The following KPNA7 variants were observed in gnomAD, a reference collection of about 807,000 sequenced individuals.
KPNA7 encodes karyopherin subunit alpha 7.
Under a neutral mutation model 53.7 loss-of-function variants are expected in KPNA7, and 54 were observed. That is an observed-to-expected ratio of 1.01 (90% CI 0.81 to 1.26). KPNA7 has a LOEUF of 1.26. KPNA7 is among the 50% of genes most tolerant of loss of function. The pLI, the probability that KPNA7 is intolerant of heterozygous loss-of-function variation, is 0.00. For missense variants in KPNA7, 640 were observed against 644.5 expected (o/e 0.99, Z 0.07); for synonymous variants, 276 against 259.3 (o/e 1.06, Z -0.62).
rs551304685 is a variant in KPNA7 at position 99,187,995 on chromosome 7, G to A, written c.900+305C>T. On this transcript the variant is annotated intron_variant, in intron 7 of 10. Coordinates refer to ENST00000327442, the MANE Select transcript of KPNA7 (RefSeq NM_001145715.3). ...GTTCGAGACTAGCCTGGCCAACATG[G>A]TAAAACCCTGTCCCTACTAAAAATA... Among the ~76,000 whole-genome samples the A allele has an allele frequency of 2.7e-5, 4 of 150,906 alleles. No individual in the cohort carries two copies. The South Asian group carries it at 8.4e-4, about 32-fold the overall frequency.
At chr7:99,154,747 G>A in the KPNA7 span, among the ~76,000 whole-genome samples, 16 of 151,586 alleles carry the variant, frequency 1.1e-4, no homozygotes, top group Admixed American at 6.6e-5. Flanking sequence ...AGCTGGTCTC[G>A]ATCTCCTGAC....
chr7:99,218,528 C>A (rs1179149931), intron 1 of KPNA7, among the ~76,000 whole-genome samples: 1 of 152,132 alleles, frequency 6.6e-6, no homozygotes, highest in Non-Finnish European at 1.5e-5. Flanking sequence ...GAGTCACAGC[C>A]CACTATGTGG....
intron 3 of KPNA7, among the ~76,000 whole-genome samples, chr7:99,198,667 G>A (rs1255995005): frequency 6.6e-6 from 1 of 152,070 alleles, no homozygotes; most frequent in African/African-American, 2.4e-5. Flanking sequence ...CTCAGAGGTA[G>A]CCTCATACTT....
intron 9 of KPNA7, among the ~76,000 whole-genome samples, chr7:99,179,093 A>G (rs933415140): frequency 6.6e-6 from 1 of 151,808 alleles, no homozygotes; most frequent in Non-Finnish European, 1.5e-5. Context: ...TCTATTCTTT[A>G]TCTGTGTCTT....
rs370084549 is a variant in KPNA7 at position 99,203,244 on chromosome 7, G to T, written c.67-4C>A. 6.5e-7 allele frequency: 1 copy of T among 1,549,366 alleles called. No homozygotes were observed. The highest frequency in any genetic ancestry group is 1.4e-5 in the African/African-American group (1 of 73,020). ...CCATCCTCTGCTGTCGCCTCAGCTA[G>T]TGAGGAAAAGAAATTGGAGCATTTA... is the stretch of plus-strand genomic sequence containing the variant. On this transcript the variant is annotated splice_region_variant and splice_polypyrimidine_tract_variant and intron_variant, in intron 2 of 10. Coordinates refer to ENST00000327442, the MANE Select transcript of KPNA7 (RefSeq NM_001145715.3).
chr7:99,184,336 T>C (rs1371082623), intron 8 of KPNA7, among the ~76,000 whole-genome samples: 3 of 151,980 alleles, frequency 2.0e-5, no homozygotes, highest in African/African-American at 7.2e-5. Context: ...TGTATACGTA[T>C]ATTTTTTGTA....
chr7:99,162,557 A>G, the KPNA7 span, among the ~76,000 whole-genome samples: 152,247 of 152,258 alleles, frequency 1, 76,118 homozygotes, highest in Non-Finnish European at 1. Context: ...CCCAGACCAT[A>G]TACCAAAGGC....
intron 7 of KPNA7, among the ~76,000 whole-genome samples, chr7:99,185,447 A>G (rs184031404): frequency 1.3e-5 from 2 of 152,272 alleles, no homozygotes; most frequent in African/African-American, 4.8e-5. Flanking sequence ...CTTGGGCTCA[A>G]GTGATCCTCC....
At chr7:99,177,446 A>T (rs997901493) in intron 10 of KPNA7, among the ~76,000 whole-genome samples, 1 of 151,916 alleles carries the variant, frequency 6.6e-6, no homozygotes, top group Admixed American at 6.6e-5. Flanking sequence ...GTCGTAGTAC[A>T]TCTCTCTAAT....
intron 10 of KPNA7, among the ~76,000 whole-genome samples, chr7:99,174,132 G>A (rs1303950452): frequency 1.3e-5 from 2 of 152,130 alleles, no homozygotes; most frequent in Non-Finnish European, 2.9e-5. Flanking sequence ...CCCATCACTC[G>A]CATTCCCACC....
At chr7:99,179,932 C>T (rs76668748) in intron 9 of KPNA7, among the ~76,000 whole-genome samples, 3,500 of 152,202 alleles carry the variant, frequency 0.023, 136 homozygotes, top group African/African-American at 0.081. Context: ...GCCTCCAAAA[C>T]TGCCCTGATG....
At chr7:99,207,685 G>C (rs982448670) in intron 1 of KPNA7, among the ~76,000 whole-genome samples, 196 bp from the exon 2 acceptor site, 7 of 121,562 alleles carry the variant, frequency 5.8e-5, no homozygotes, top group African/African-American at 2.2e-4. Flanking sequence ...GCCCAGACTT[G>C]AGTGCAGTGG....
chr7:99,190,983 G>A (rs1789918825), intron 6 of KPNA7, among the ~76,000 whole-genome samples: 1 of 151,920 alleles, frequency 6.6e-6, no homozygotes, highest in African/African-American at 2.4e-5. Flanking sequence ...CTTCATGCCT[G>A]CAACACAAGC....
intron 3 of KPNA7, among the ~76,000 whole-genome samples, chr7:99,198,251 C>G (rs1390063136): frequency 6.6e-6 from 1 of 151,768 alleles, no homozygotes; most frequent in African/African-American, 2.4e-5. Flanking sequence ...AAAACTTTAC[C>G]AACTTTACAA....
the KPNA7 span, among the ~76,000 whole-genome samples, chr7:99,152,823 A>C: frequency 6.6e-6 from 1 of 152,186 alleles, no homozygotes; most frequent in Admixed American, 6.5e-5. Context: ...GTCTTCTCTG[A>C]GTGCAGGATG....
At position 99,195,337 on chromosome 7, in the gene KPNA7, T is replaced by G; in HGVS notation, c.286A>C (p.Lys96Gln). Residue 96 changes from lysine (K) to glutamine (Q), a missense_variant and splice_region_variant, in exon 5 of 11, where the codon AAA (lysine) becomes CAA (glutamine). Transcript: ENST00000327442. ...LCFQATQTARKMLSQEKNPPL... is the reference protein window; with the variant it reads ...LCFQATQTARQMLSQEKNPPL... ...GGGTTCTTTTCCTGGGATAGCATTT[T>G]CCTATGCAATGAAAGAGAGGGCAGG... 1.3e-6 allele frequency: 2 copies of G among 1,550,784 alleles called. No homozygotes were observed. Among genetic ancestry groups the G allele is most frequent in the Non-Finnish European group, 1.7e-6 (2 of 1,146,390 alleles).
In KPNA7 at chr7:99,196,161, G is replaced by A; in HGVS notation, c.207C>T (p.Ser69=). 1.3e-6 allele frequency: 2 copies of A among 1,551,360 alleles called. No individual in the cohort carries two copies. The highest frequency in any genetic ancestry group is 1.4e-5 in the African/African-American group (1 of 73,144). The change falls in exon 4 of 11, where the codon AGC becomes AGT. Residue 69 remains serine, a synonymous_variant. Transcript: ENST00000327442. The part of the protein sequence containing the change: ...SEKTAKGVAV[S]LTLGEIIKGV... ...CTTTGATTATTTCACCCAGAGTGAG[G>A]CTGACCTGCAAGAAGAGACACATTC...
chr7:99,212,778 A>G (rs151164428), upstream of KPNA7, among the ~76,000 whole-genome samples: 2 of 152,142 alleles, frequency 1.3e-5, no homozygotes, highest in African/African-American at 4.8e-5. Context: ...ATGGGCACCT[A>G]TAGTCCCAGA....
chr7:99,161,366 A>G, the KPNA7 span, among the ~76,000 whole-genome samples: 2 of 152,092 alleles, frequency 1.3e-5, no homozygotes. Context: ...ATATCCAGCC[A>G]TCAGCCACTG....
Sources: gnomAD v4.1 joint callset for allele counts (sites outside exome capture counted in the v4.1 genomes callset) on GRCh38, gnomAD v4.1.1 for gene constraint, MANE v1.5 for transcripts, NCBI Gene and HGNC (gene_info 2026-07-23, HGNC 2026-07-21) for gene names.